The following CITED2 variants were observed in gnomAD, a reference collection of about 807,000 sequenced individuals.
The protein encoded by CITED2 is cbp/p300-interacting transactivator 2.
Under a neutral mutation model 11.8 loss-of-function variants are expected in CITED2, and 2 were observed. The ratio of observed to expected loss-of-function variants is 0.17; its 90% confidence interval spans 0.07 to 0.54. CITED2 has a LOEUF of 0.54. Ranked by LOEUF, CITED2 falls within the 20% of genes least tolerant of loss-of-function variation. The pLI, the probability that CITED2 is intolerant of heterozygous loss-of-function variation, is 0.94. For synonymous variants in CITED2, 210 were observed against 153.0 expected (o/e 1.37, Z -2.75); for missense variants, 437 against 390.2 (o/e 1.12, Z -1.01).
chr6:139,373,096 G>T lies in CITED2; in HGVS notation c.*36C>A. The stretch of plus-strand genomic sequence containing the variant: ...TCTTTTAATTCACGCCGAAGAAGTT[G>T]GGGGTTTGATTTCTTTCGCCGGGGT... On this transcript the variant is annotated 3_prime_UTR_variant, in exon 2 of 2. Transcript: ENST00000367651. 6.4e-7 allele frequency: 1 copy of T among 1,566,896 alleles called. No homozygotes were observed. Among genetic ancestry groups the T allele is most frequent in the East Asian group, 2.2e-5 (1 of 44,674 alleles).
At position 139,374,303 on chromosome 6, in the gene CITED2, C is replaced by T. The variant is rs1454060950; in HGVS notation, c.-9+110G>A. On this transcript the variant is annotated intron_variant, in intron 1 of 1. Coordinates refer to ENST00000367651, the MANE Select transcript of CITED2 (RefSeq NM_006079.5). ...CAGCCCTCCTCATCCTGTTGTTGCA[C>T]ATCCTGTTGTTATTCCCCAGCTTCG... 13 of 828,738 alleles carry T rather than the reference C, an allele frequency of 1.6e-5. No homozygotes were observed. In the East Asian group the frequency reaches 3.6e-4, roughly 23 times the overall value. 51.3% of individuals were successfully genotyped at this position (828,738 alleles called of 1,614,324 possible).
At chr6:139,374,314 T>C (rs939821980) in intron 1 of CITED2, 99 bp downstream of exon 1, 1 of 745,944 alleles carries the variant, frequency 1.3e-6, no homozygotes, top group African/African-American at 1.8e-5. Context: ...ATCCTGTTGT[T>C]ATTCCCCAGC....
Position 139,372,669 on chromosome 6 carries a change from G to A in CITED2, c.*463C>T, listed in dbSNP as rs1416345540. 3 of 195,476 alleles carry A rather than the reference G, an allele frequency of 1.5e-5. No homozygotes were observed. The highest frequency in any genetic ancestry group is 7.0e-5 in the African/African-American group (3 of 42,802). The allele number at this position is 195,476 out of a possible 1,614,324, so 12.1% of individuals were successfully genotyped here. A position where few individuals can be genotyped will look rare whatever the true frequency, so the allele number is the denominator to read the frequency against. On this transcript the variant is annotated 3_prime_UTR_variant, in exon 2 of 2. Transcript: ENST00000367651. ...ATAGTTAAAAAAATGAAGCGAGATG[G>A]CAGTTTGTGCAGTAATATCTGCCCT...
rs1778259318 is a variant in CITED2, at chr6:139,372,312, AT to A, written c.*819del. On this transcript the variant is annotated 3_prime_UTR_variant, in exon 2 of 2. Transcript: ENST00000367651. ...ATTAAAATAGAATAAATTAACAAGT[AT>A]TTTTTCAAAAAAATGTTTTGTACAA... 1 of 152,592 alleles carries A rather than the reference AT, an allele frequency of 6.6e-6. No individual in the cohort carries two copies. Among genetic ancestry groups the A allele is most frequent in the South Asian group, 2.1e-4 (1 of 4,832 alleles). 9.5% of individuals were successfully genotyped at this position (152,592 alleles called of 1,614,324 possible).
rs1778281309 is a variant in CITED2 at position 139,372,983 on chromosome 6, A to G, written c.*149T>C. On this transcript the variant is annotated 3_prime_UTR_variant, in exon 2 of 2. Transcript: ENST00000367651. ...GTGGCAGCAATTTTTTTTAAAACCA[A>G]TTTGTACAAGTTTATAGTTTACTTT... is the stretch of plus-strand genomic sequence containing the variant. 1 of 871,156 alleles carries G rather than the reference A, an allele frequency of 1.1e-6. No individual in the cohort carries two copies. Among genetic ancestry groups the G allele is most frequent in the Non-Finnish European group, 1.8e-6 (1 of 543,378 alleles). 54.0% of individuals were successfully genotyped at this position (871,156 alleles called of 1,614,324 possible).
Position 139,373,174 on chromosome 6 carries a change from C to G in CITED2, c.771G>C (p.Thr257=). Residue 257 remains threonine (T), a synonymous_variant, in exon 2 of 2, where the codon ACG becomes ACC. Transcript: ENST00000367651. ...WLGQNEFDFM[T]DFVCKQQPSR... Reference sequence around the variant, plus strand: ...TGGGCTGCTGTTTGCACACGAAGTCCGTCATAAAATCAAACTCGTTTTGCC... The same window carrying G: ...TGGGCTGCTGTTTGCACACGAAGTCGGTCATAAAATCAAACTCGTTTTGCC... 6.2e-7 allele frequency: 1 copy of G among 1,614,172 alleles called. No individual in the cohort carries two copies. Among genetic ancestry groups the G allele is most frequent in the Non-Finnish European group, 8.5e-7 (1 of 1,180,028 alleles).
At chr6:139,374,237 G>A in intron 1 of CITED2, 176 bp downstream of exon 1, 2 of 1,403,290 alleles carry the variant, frequency 1.4e-6, no homozygotes, top group Non-Finnish European at 1.9e-6. Context: ...CCTAATAAAG[G>A]AAGTGCCCCG....
In CITED2 at chr6:139,372,400, A is replaced by T. The variant is rs190129101; in HGVS notation, c.*732T>A. 1 of 152,638 alleles carries T rather than the reference A, an allele frequency of 6.6e-6. No individual in the cohort carries two copies. Among genetic ancestry groups the T allele is most frequent in the East Asian group, 1.9e-4 (1 of 5,190 alleles). 9.5% of individuals were successfully genotyped at this position (152,638 alleles called of 1,614,324 possible). On this transcript the variant is annotated 3_prime_UTR_variant, in exon 2 of 2. Transcript: ENST00000367651. ...AGTAGTATCTTTTCATGTACTGAAT[A>T]TAACTATTAGCACAGTGTCAAAAAT...
chr6:139,374,042 G>T (rs963161089), intron 1 of CITED2, 90 bp from the exon 2 acceptor site: 12 of 1,528,632 alleles, frequency 7.9e-6, no homozygotes, highest in Non-Finnish European at 9.6e-6. Context: ...TGCCCCCCAG[G>T]ATTCCCGGGC....
Position 139,373,084 on chromosome 6 carries a change from G to T in CITED2, c.*48C>A, listed in dbSNP as rs373695259. 3.3e-6 allele frequency: 5 copies of T among 1,534,604 alleles called. No individual in the cohort carries two copies. The highest frequency in any genetic ancestry group is 1.4e-5 in the African/African-American group (1 of 73,454). On this transcript the variant is annotated 3_prime_UTR_variant, in exon 2 of 2. Transcript: ENST00000367651. ...TAAGGGAATGTTTCTTTTAATTCACGCCGAAGAAGTTGGGGGTTTGATTTC... is the reference window on the plus strand; with the variant it reads ...TAAGGGAATGTTTCTTTTAATTCACTCCGAAGAAGTTGGGGGTTTGATTTC...
intron 1 of CITED2, 59 bp downstream of exon 1, chr6:139,374,354 C>T: frequency 3.4e-6 from 2 of 582,238 alleles, no homozygotes; most frequent in Non-Finnish European, 2.8e-6. Flanking sequence ...CCGGGCAAAC[C>T]CTGCCCTCGG....
intron 1 of CITED2, 175 bp from the exon 2 acceptor site, chr6:139,374,127 G>C (rs753957376): frequency 5.4e-6 from 8 of 1,487,832 alleles, no homozygotes; most frequent in Admixed American, 2.0e-5. Flanking sequence ...CCACGGAAGA[G>C]CTACCACTCA....
rs1778305182 is a variant in CITED2 at position 139,373,576 on chromosome 6, A to G, written c.369T>C (p.Tyr123=). Residue 123 remains tyrosine (Y), a synonymous_variant, in exon 2 of 2, where the codon TAT becomes TAC. Coordinates refer to ENST00000367651, the MANE Select transcript of CITED2 (RefSeq NM_006079.5). ...SMQLQKLNNQ[Y]FNHHPYPHNH... ...TGTGGGGGTAGGGGTGATGGTTGAA[A>G]TACTGGTTGTTGAGCTTCTGCAGCT... 6.2e-7 allele frequency: 1 copy of G among 1,614,002 alleles called. No homozygotes were observed. Among genetic ancestry groups the G allele is most frequent in the South Asian group, 1.1e-5 (1 of 91,084 alleles).
intron 1 of CITED2, 122 bp from the exon 2 acceptor site, chr6:139,374,074 A>AC: frequency 2.0e-6 from 3 of 1,521,460 alleles, no homozygotes; most frequent in South Asian, 2.4e-5. Context: ...GCGAACCACC[A>AC]CCCCCAAGAT....
chr6:139,373,320 G>C lies in CITED2; in HGVS notation c.625C>G (p.Pro209Ala). Residue 209 changes from proline (P) to alanine (A), a missense_variant, in exon 2 of 2, where the codon CCC becomes GCC. Around this residue, in one of 3 missense-constraint regions of CITED2, gnomAD observed 396 missense variants for 325.2 expected, o/e 1.22. Coordinates refer to ENST00000367651, the MANE Select transcript of CITED2 (RefSeq NM_006079.5). ...GNMPASVAHV[P>A]AAMLPPNVID... ...ACATTGGGCGGCAGCATTGCAGCGG[G>C]GACGTGGGCCACGGAGGCGGGCATG... The C allele has an allele frequency of 6.2e-7, 1 of 1,612,348 alleles. No individual in the cohort carries two copies. The highest frequency in any genetic ancestry group is 8.5e-7 in the Non-Finnish European group (1 of 1,179,518).
Position 139,372,720 on chromosome 6 carries a change from C to A in CITED2, c.*412G>T. ...TCGAAGTTCATGCAACCAACTAATG[C>A]AATTTTTCCTTTCACTCGTAAATCT... On this transcript the variant is annotated 3_prime_UTR_variant, in exon 2 of 2. Transcript: ENST00000367651. 1 of 229,544 alleles carries A rather than the reference C, an allele frequency of 4.4e-6. No homozygotes were observed. The highest frequency in any genetic ancestry group is 8.9e-6 in the Non-Finnish European group (1 of 112,016). 14.2% of individuals were successfully genotyped at this position (229,544 alleles called of 1,614,324 possible).
In CITED2 at chr6:139,373,087, G is replaced by T; in HGVS notation, c.*45C>A. ...GGGAATGTTTCTTTTAATTCACGCCGAAGAAGTTGGGGGTTTGATTTCTTT... is the reference window on the plus strand; with the variant it reads ...GGGAATGTTTCTTTTAATTCACGCCTAAGAAGTTGGGGGTTTGATTTCTTT... On this transcript the variant is annotated 3_prime_UTR_variant, in exon 2 of 2. Coordinates refer to ENST00000367651, the MANE Select transcript of CITED2 (RefSeq NM_006079.5). 7 of 1,547,092 alleles carry T rather than the reference G, an allele frequency of 4.5e-6. No individual in the cohort carries two copies. The highest frequency in any genetic ancestry group is 2.2e-5 in the East Asian group (1 of 44,596).
In CITED2 at chr6:139,372,931, A is replaced by T; in HGVS notation, c.*201T>A. ...GAGGTGGGTGAATGTCAAGGCTACA[A>T]AAACGAAACAAAAACAGGAAAAAAA... On this transcript the variant is annotated 3_prime_UTR_variant, in exon 2 of 2. Transcript: ENST00000367651. 2 of 626,100 alleles carry T rather than the reference A, an allele frequency of 3.2e-6. No individual in the cohort carries two copies. The highest frequency in any genetic ancestry group is 5.7e-6 in the Non-Finnish European group (2 of 351,514). The allele number at this position is 626,100 out of a possible 1,614,324, so 38.8% of individuals were successfully genotyped here. A position where few individuals can be genotyped will look rare whatever the true frequency, so the allele number is the denominator to read the frequency against.
At chr6:139,374,101 G>A (rs1343470408) in intron 1 of CITED2, 149 bp from the exon 2 acceptor site, 4 of 1,506,912 alleles carry the variant, frequency 2.7e-6, no homozygotes, top group Non-Finnish European at 3.5e-6. Context: ...AACAGCCTGT[G>A]CACCCGGGCT....
Sources: gnomAD v4.1 joint callset for allele counts on GRCh38, gnomAD v4.1.1 for gene constraint, gnomAD v4.1.1 regional missense constraint, MANE v1.5 for transcripts, NCBI Gene and HGNC (gene_info 2026-07-23, HGNC 2026-07-21) for gene names.